HEPACAM: variants seen among roughly 807,000 people sequenced by gnomAD.
The protein encoded by HEPACAM is hepatic and glial cell adhesion molecule.
HEPACAM carries 18 observed loss-of-function variants against 38.3 expected under a neutral mutation model. That is an observed-to-expected ratio of 0.47 (90% confidence interval 0.33 to 0.70). HEPACAM has a LOEUF of 0.70. HEPACAM is among the 30% of genes least tolerant of loss of function. HEPACAM has a pLI of 0.03. For synonymous variants in HEPACAM, 216 were observed against 243.1 expected (o/e 0.89, Z 1.04); for missense variants, 466 against 563.0 (o/e 0.83, Z 1.74).
chr11:124,930,133 T>C lies in HEPACAM; in HGVS notation c.86-5064A>G, dbSNP rs546929372. On this transcript the variant is annotated intron_variant, in intron 1 of 6. Transcript: ENST00000298251. The stretch of plus-strand genomic sequence containing the variant: ...TTGGGCTTTCTTCAACTGTGTTATT[T>C]CCTTTTATGGTGTGGTAGCCAGAAC... Among the ~76,000 whole-genome samples the C allele has an allele frequency of 3.3e-5, 5 of 152,354 alleles. No individual in the cohort carries two copies. The South Asian group carries it at 1.0e-3, about 32-fold the overall frequency.
rs1364684353 is a variant in HEPACAM at position 124,919,947 on chromosome 11, T to C, written c.*1191A>G. On this transcript the variant is annotated 3_prime_UTR_variant, in exon 7 of 7. Coordinates refer to ENST00000298251, the MANE Select transcript of HEPACAM (RefSeq NM_152722.5). ...GATTACTGCCACTCCTATGAACTGT[T>C]CAATAGGCGGTGGCATGGGCATGTC... 2.5e-6 allele frequency: 4 copies of C among 1,613,932 alleles called. No individual in the cohort carries two copies. Among genetic ancestry groups the C allele is most frequent in the Non-Finnish European group, 3.4e-6 (4 of 1,180,020 alleles).
At chr11:124,923,562 G>T in intron 3 of HEPACAM, 129 bp from the exon 4 acceptor site, 1 of 1,095,398 alleles carries the variant, frequency 9.1e-7, no homozygotes, top group Non-Finnish European at 1.4e-6. Flanking sequence ...GCTGGTGGTG[G>T]AGCTTGTACA....
rs1033822977 is a variant in HEPACAM, at chr11:124,919,442, C to T, written c.*1696G>A. The T allele has an allele frequency of 2.7e-6, 1 of 367,978 alleles. No homozygotes were observed. The highest frequency in any genetic ancestry group is 2.0e-5 in the African/African-American group (1 of 49,504). The allele number at this position is 367,978 out of a possible 1,614,324, so 22.8% of individuals were successfully genotyped here. A position where few individuals can be genotyped will look rare whatever the true frequency, so the allele number is the denominator to read the frequency against. On this transcript the variant is annotated 3_prime_UTR_variant, in exon 7 of 7. Coordinates refer to ENST00000298251, the MANE Select transcript of HEPACAM (RefSeq NM_152722.5). ...TCAGGGATTCAGCACCAGGGTATGG[C>T]ATGTTCTCATCTCACCCTAACCTTC...
At chr11:124,934,201 C>T (rs1325382259) in intron 1 of HEPACAM, among the ~76,000 whole-genome samples, 2 of 152,084 alleles carry the variant, frequency 1.3e-5, no homozygotes, top group Non-Finnish European at 2.9e-5. Flanking sequence ...TTCCTAAATC[C>T]TCCTACTTCC....
At position 124,921,043 on chromosome 11, in the gene HEPACAM, T is replaced by C; in HGVS notation, c.*95A>G. The C allele has an allele frequency of 1.4e-6, 2 of 1,418,700 alleles. No homozygotes were observed. Among genetic ancestry groups the C allele is most frequent in the Non-Finnish European group, 1.8e-6 (2 of 1,087,016 alleles). The allele number at this position is 1,418,700 out of a possible 1,614,324, so 87.9% of individuals were successfully genotyped here. A position where few individuals can be genotyped will look rare whatever the true frequency, so the allele number is the denominator to read the frequency against. On this transcript the variant is annotated 3_prime_UTR_variant, in exon 7 of 7. Coordinates refer to ENST00000298251, the MANE Select transcript of HEPACAM (RefSeq NM_152722.5). The surrounding 1 kb of genome is among the most constrained non-coding windows in gnomAD (Gnocchi z 4.6). ...AGCGCCCCCCCGGGACCTCCCCTCG[T>C]CCCCAGCGCGCCGCGCCCGGGCTTC...
In HEPACAM at chr11:124,921,395, C is replaced by T; in HGVS notation, c.994G>A (p.Ala332Thr). Residue 332 changes from alanine (A) to threonine (T), a missense_variant, in exon 7 of 7, where the codon GCG becomes ACG. Transcript: ENST00000298251. The surrounding 1 kb of genome is among the most constrained non-coding windows in gnomAD (Gnocchi z 4.6). ...TAGCCGGGCGGGCCGGGCTCCGTCG[C>T]GCTTCGAGGCTCCGGGGCCGGGTTC... ...EENPAPEPRSATEPGPPGYSV... is the reference protein window; with the variant it reads ...EENPAPEPRSTTEPGPPGYSV... The T allele has an allele frequency of 1.6e-6, 2 of 1,269,334 alleles. No homozygotes were observed. Among genetic ancestry groups the T allele is most frequent in the Non-Finnish European group, 2.0e-6 (2 of 1,009,844 alleles). 78.6% of individuals were successfully genotyped at this position (1,269,334 alleles called of 1,614,324 possible).
At chr11:124,929,699 A>AAAGTTTTTGGTTTAGTT (rs1591552225) in intron 1 of HEPACAM, among the ~76,000 whole-genome samples, 1 of 152,092 alleles carries the variant, frequency 6.6e-6, no homozygotes, top group East Asian at 1.9e-4. Flanking sequence ...AACCTCAACA[A>AAAGTTTTTGGTTTAGTT]TGCGGTACTG....
In HEPACAM at chr11:124,920,892, T is replaced by C; in HGVS notation, c.*246A>G. The C allele has an allele frequency of 7.4e-7, 1 of 1,344,848 alleles. No homozygotes were observed. Among genetic ancestry groups the C allele is most frequent in the Non-Finnish European group, 9.5e-7 (1 of 1,050,396 alleles). 83.3% of individuals were successfully genotyped at this position (1,344,848 alleles called of 1,614,324 possible). On this transcript the variant is annotated 3_prime_UTR_variant, in exon 7 of 7. Coordinates refer to ENST00000298251, the MANE Select transcript of HEPACAM (RefSeq NM_152722.5). ...TGTGGTCCTAAGAGGGCACAACCTATACCAAGTGAGGACACAGCCAGTAAA... is the reference window on the plus strand; with the variant it reads ...TGTGGTCCTAAGAGGGCACAACCTACACCAAGTGAGGACACAGCCAGTAAA...
At chr11:124,925,156 A>G in intron 1 of HEPACAM, 87 bp from the exon 2 acceptor site, 8 of 1,059,190 alleles carry the variant, frequency 7.6e-6, no homozygotes, top group Non-Finnish European at 1.1e-5. Context: ...CTGATCTCCC[A>G]AAGCTTCGCC....
chr11:124,932,755 G>A (rs1253831454), intron 1 of HEPACAM, among the ~76,000 whole-genome samples: 3 of 152,128 alleles, frequency 2.0e-5, no homozygotes, highest in Non-Finnish European at 2.9e-5. Context: ...ATCACTTACA[G>A]ACCTTGTTTG....
In HEPACAM at chr11:124,921,050, C is replaced by T. The variant is rs886047933; in HGVS notation, c.*88G>A. 1.4e-6 allele frequency: 2 copies of T among 1,454,288 alleles called. No homozygotes were observed. Among genetic ancestry groups the T allele is most frequent in the East Asian group, 2.8e-5 (1 of 36,232 alleles). The allele number at this position is 1,454,288 out of a possible 1,614,324, so 90.1% of individuals were successfully genotyped here. ...CCCCGGGACCTCCCCTCGTCCCCAGCGCGCCGCGCCCGGGCTTCCCAGCCC... is the reference window on the plus strand; with the variant it reads ...CCCCGGGACCTCCCCTCGTCCCCAGTGCGCCGCGCCCGGGCTTCCCAGCCC... On this transcript the variant is annotated 3_prime_UTR_variant, in exon 7 of 7. Transcript: ENST00000298251. This position sits in a 1 kb window ranked among gnomAD's most constrained non-coding sequence, Gnocchi z 4.6.
rs1389470925 is a variant in HEPACAM, at chr11:124,920,572, C to T, written c.*566G>A. On this transcript the variant is annotated 3_prime_UTR_variant, in exon 7 of 7. Transcript: ENST00000298251. ...GGGAAGAAGGCCTTCACAATGATCC[C>T]CCCAGCTCAGAACAGCCCCTGCACA... is the stretch of plus-strand genomic sequence containing the variant. 1 of 1,312,212 alleles carries T rather than the reference C, an allele frequency of 7.6e-7. No individual in the cohort carries two copies. The highest frequency in any genetic ancestry group is 3.8e-5 in the East Asian group (1 of 26,428). The allele number at this position is 1,312,212 out of a possible 1,614,324, so 81.3% of individuals were successfully genotyped here. A position where few individuals can be genotyped will look rare whatever the true frequency, so the allele number is the denominator to read the frequency against.
rs1430549487 is a variant in HEPACAM, at chr11:124,935,907, C to A, written c.85+15G>T. On this transcript the variant is annotated intron_variant, in intron 1 of 6. Transcript: ENST00000298251. Reference sequence around the variant, plus strand: ...GTCCTTTCTTCAGACCCTTTCTTACCCTCTGGCCTCCTACCTGTCTGGATC... The same window carrying A: ...GTCCTTTCTTCAGACCCTTTCTTACACTCTGGCCTCCTACCTGTCTGGATC... 6.2e-7 allele frequency: 1 copy of A among 1,612,460 alleles called. No homozygotes were observed. The highest frequency in any genetic ancestry group is 1.7e-4 in the Middle Eastern group (1 of 6,054).
At chr11:124,935,389 AG>A (rs2135409669) in intron 1 of HEPACAM, among the ~76,000 whole-genome samples, 2 of 152,218 alleles carry the variant, frequency 1.3e-5, no homozygotes, top group South Asian at 4.1e-4. Flanking sequence ...AAGGATTGGT[AG>A]GGGGCGGTAG....
intron 3 of HEPACAM, 86 bp from the exon 4 acceptor site, chr11:124,923,519 GA>G: frequency 1.7e-6 from 2 of 1,171,740 alleles, no homozygotes; most frequent in Non-Finnish European, 2.5e-6. Flanking sequence ...GGATGGAAGA[GA>G]GGGGGAGCCC....
rs1267507487 is a variant in HEPACAM at position 124,919,436 on chromosome 11, G to T, written c.*1702C>A. The T allele has an allele frequency of 2.1e-5, 7 of 336,352 alleles. No homozygotes were observed. The highest frequency in any genetic ancestry group is 2.7e-5 in the Non-Finnish European group (5 of 183,846). 20.8% of individuals were successfully genotyped at this position (336,352 alleles called of 1,614,324 possible). Reference sequence around the variant, plus strand: ...GGCCCCTCAGGGATTCAGCACCAGGGTATGGCATGTTCTCATCTCACCCTA... The same window carrying T: ...GGCCCCTCAGGGATTCAGCACCAGGTTATGGCATGTTCTCATCTCACCCTA... On this transcript the variant is annotated 3_prime_UTR_variant, in exon 7 of 7. Transcript: ENST00000298251.
At chr11:124,922,669 C>A in intron 5 of HEPACAM, 76 bp downstream of exon 5, 4 of 1,614,188 alleles carry the variant, frequency 2.5e-6, no homozygotes, top group Non-Finnish European at 3.4e-6. Context: ...TTCCTTGTCG[C>A]CCAGTTCTGC....
chr11:124,925,583 G>A (rs1947197727), intron 1 of HEPACAM, among the ~76,000 whole-genome samples: 1 of 152,192 alleles, frequency 6.6e-6, no homozygotes, highest in African/African-American at 2.4e-5. Context: ...ACAAAGAAAG[G>A]AGCGGGTCGT....
chr11:124,919,709 T>C lies in HEPACAM; in HGVS notation c.*1429A>G, dbSNP rs1371523207. 8 of 1,602,892 alleles carry C rather than the reference T, an allele frequency of 5.0e-6. No homozygotes were observed. In the East Asian group the frequency reaches 1.1e-4, roughly 22 times the overall value. On this transcript the variant is annotated 3_prime_UTR_variant, in exon 7 of 7. Transcript: ENST00000298251. ...AGAGGGGGCAAACTAGAAATGTCAG[T>C]GCCTTTGGGGCTGAGACAAAACTTG...
Sources: gnomAD v4.1 joint callset for allele counts (sites outside exome capture counted in the v4.1 genomes callset) on GRCh38, gnomAD v4.1.1 for gene constraint, Gnocchi (gnomAD v3.1) non-coding constraint, MANE v1.5 for transcripts, NCBI Gene and HGNC (gene_info 2026-07-23, HGNC 2026-07-21) for gene names.